The following SEC23IP variants were observed in gnomAD, a reference collection of about 807,000 sequenced individuals.
The protein encoded by SEC23IP is SEC23-interacting protein.
In SEC23IP, 70 loss-of-function variants were observed where a neutral mutation model predicts 113.4. The observed-to-expected ratio is 0.62, with a 90% CI of 0.51 to 0.75. The LOEUF (loss-of-function observed/expected upper bound fraction) is 0.75, where lower values mean the gene tolerates loss of function less well. Among genes scored for constraint, SEC23IP ranks in the 30% least tolerant of loss-of-function variants. The probability of loss-of-function intolerance (pLI) is 0.00; values close to 1 mark genes in which losing one functional copy is unlikely to be tolerated. For synonymous variants in SEC23IP, 398 were observed against 421.0 expected (o/e 0.95, Z 0.67); for missense variants, 1,160 against 1,204.9 (o/e 0.96, Z 0.55).
In SEC23IP at chr10:119,898,877, A is replaced by G. The variant is rs1854382051; in HGVS notation, c.614A>G (p.Gln205Arg). ...GCACCACCCCAGCTGCAGCAGTGCC[A>G]AACACCAGGCCCTCCTGCTCATCCT... ...YIAPPQLQQCQTPGPPAHPPP... is the reference protein window; with the variant it reads ...YIAPPQLQQCRTPGPPAHPPP... The change falls in exon 2 of 19, where the codon CAA becomes CGA. Residue 205 changes from glutamine to arginine, a missense_variant. By Grantham distance (43) the Gln-to-Arg change is conservative. Transcript: ENST00000369075. 7 of 1,608,514 alleles carry G rather than the reference A, an allele frequency of 4.4e-6. No homozygotes were observed. Among genetic ancestry groups the G allele is most frequent in the Non-Finnish European group, 5.9e-6 (7 of 1,179,916 alleles).
chr10:119,922,613 T>C (rs1344342006), intron 12 of SEC23IP, among the ~76,000 whole-genome samples: 1 of 152,114 alleles, frequency 6.6e-6, no homozygotes, highest in African/African-American at 2.4e-5. Flanking sequence ...GTAATTGTAA[T>C]TGTACAGTGA....
intron 13 of SEC23IP, among the ~76,000 whole-genome samples, chr10:119,927,957 C>T (rs562956790): frequency 1.3e-5 from 2 of 152,316 alleles, no homozygotes; most frequent in South Asian, 4.1e-4. Flanking sequence ...AGAAGGTTGC[C>T]TGTTTCCTCT....
rs757198528 is a variant in SEC23IP, at chr10:119,909,108, C to T, written c.1169C>T (p.Thr390Ile). The T allele has an allele frequency of 6.2e-7, 1 of 1,611,664 alleles. No homozygotes were observed. The highest frequency in any genetic ancestry group is 1.1e-5 in the South Asian group (1 of 90,788). Residue 390 changes from threonine to isoleucine, a missense_variant, in exon 5 of 19, where the codon ACA becomes ATA. Physicochemically the swap from Thr to Ile is moderately conservative, Grantham distance 89. Transcript: ENST00000369075. ...HRRLEFPSGE[T>I]IVMHNPKVIV... The stretch of plus-strand genomic sequence containing the variant: ...AGATTAGAGTTTCCAAGTGGAGAGA[C>T]AATTGTTATGCACAATCCAAAGGTA...
Position 119,929,685 on chromosome 10 carries a change from A to G in SEC23IP, c.2392A>G (p.Thr798Ala), listed in dbSNP as rs751256373. Residue 798 changes from threonine (T) to alanine (A), a missense_variant, in exon 14 of 19, where the codon ACT becomes GCT. Transcript: ENST00000369075. ...GGGGTCTCCAATTGCTATGTTTCTC[A>G]CTATTCGAGGAGTTGATAGGATAGA... Reference protein sequence around the residue: ...ALGSPIAMFLTIRGVDRIDEN... With the variant: ...ALGSPIAMFLAIRGVDRIDEN... 1.9e-6 allele frequency: 3 copies of G among 1,603,788 alleles called. No individual in the cohort carries two copies. The highest frequency in any genetic ancestry group is 2.6e-6 in the Non-Finnish European group (3 of 1,170,572).
chr10:119,911,985 G>T (rs2134479896), intron 5 of SEC23IP, 59 bp from the exon 6 acceptor site: 1 of 1,596,772 alleles, frequency 6.3e-7, no homozygotes, highest in Non-Finnish European at 8.6e-7. Context: ...AAACTACTTA[G>T]CCTGTAGTGG....
At chr10:119,901,011 C>CT (rs1854474323) in intron 2 of SEC23IP, among the ~76,000 whole-genome samples, 1 of 87,666 alleles carries the variant, frequency 1.1e-5, no homozygotes, top group African/African-American at 4.6e-5. Flanking sequence ...AAATTTTTTT[C>CT]TTTTTCTTCT....
In SEC23IP at chr10:119,919,477, T is replaced by A; in HGVS notation, c.1906T>A (p.Ser636Thr). ...PEEPKLTLDESYDLVVENKEV... is the reference protein window; with the variant it reads ...PEEPKLTLDETYDLVVENKEV... ...AGAGCCAAAGCTGACTTTGGATGAG[T>A]CGTATGACCTTGTTGTTGAAAATAA... The change falls in exon 11 of 19, where the codon TCG becomes ACG. Residue 636 changes from serine (S) to threonine (T), a missense_variant. Physicochemically the swap from Ser to Thr is moderately conservative, Grantham distance 58. Coordinates refer to ENST00000369075, the MANE Select transcript of SEC23IP (RefSeq NM_007190.4). 1 of 1,611,214 alleles carries A rather than the reference T, an allele frequency of 6.2e-7. No individual in the cohort carries two copies. The highest frequency in any genetic ancestry group is 8.5e-7 in the Non-Finnish European group (1 of 1,179,334).
rs1854885266 is a variant in SEC23IP, at chr10:119,912,142, T to C, written c.1290T>C (p.Asp430=). Residue 430 remains aspartate (D), a synonymous_variant, in exon 6 of 19, where the codon GAT becomes GAC. Coordinates refer to ENST00000369075, the MANE Select transcript of SEC23IP (RefSeq NM_007190.4). Reference sequence around the variant, plus strand: ...GGGTTGTAAAGCGTGGAATTGATGATAACCTTGATGAAATTCCCGACGGTG... The same window carrying C: ...GGGTTGTAAAGCGTGGAATTGATGACAACCTTGATGAAATTCCCGACGGTG... ...RPRVVKRGID[D]NLDEIPDGEM... The C allele has an allele frequency of 3.7e-6, 6 of 1,614,090 alleles. No individual in the cohort carries two copies. Among genetic ancestry groups the C allele is most frequent in the Non-Finnish European group, 4.2e-6 (5 of 1,179,970 alleles).
rs1025049603 is a variant in SEC23IP at position 119,933,874 on chromosome 10, T to C, written c.*20+87T>C. The C allele has an allele frequency of 2.2e-5, 13 of 587,032 alleles. No homozygotes were observed. The African/African-American group carries it at 2.5e-4, about 11-fold the overall frequency. 36.4% of individuals were successfully genotyped at this position (587,032 alleles called of 1,614,324 possible). ...GGAGTTGATGTTGACTGATTTTGCT[T>C]TTTTCTGTTTCCTCTGAGTTTTTGT... On this transcript the variant is annotated intron_variant, in intron 18 of 18. Transcript: ENST00000369075.
At chr10:119,912,260 G>C (rs182733316) in intron 6 of SEC23IP, 96 bp downstream of exon 6, 164 of 1,298,112 alleles carry the variant, frequency 1.3e-4, no homozygotes, top group East Asian at 7.6e-5. Context: ...TTATTAGAAT[G>C]CCCTGCCACA....
At chr10:119,935,173 A>G (rs565712850) in intron 18 of SEC23IP, among the ~76,000 whole-genome samples, 1 of 152,290 alleles carries the variant, frequency 6.6e-6, no homozygotes, top group South Asian at 2.1e-4. Context: ...TTTAAAAGAC[A>G]AAAGAGGCTG....
chr10:119,930,208 G>A, intron 14 of SEC23IP, 121 bp from the exon 15 acceptor site: 4 of 532,942 alleles, frequency 7.5e-6, no homozygotes, highest in Non-Finnish European at 1.0e-5. Context: ...TGAATAAGGT[G>A]TGGAGAAAAA....
In SEC23IP at chr10:119,941,266, G is replaced by A. The variant is rs1855956269; in HGVS notation, c.*701G>A. On this transcript the variant is annotated 3_prime_UTR_variant, in exon 19 of 19. Coordinates refer to ENST00000369075, the MANE Select transcript of SEC23IP (RefSeq NM_007190.4). ...TCTCCTAGCACGTCCATTTCCAGGA[G>A]GAGAAGCAAGCAGATGAGAGGTTTT... 6.6e-6 allele frequency: 1 copy of A among 152,204 alleles called. No homozygotes were observed. The highest frequency in any genetic ancestry group is 1.5e-5 in the Non-Finnish European group (1 of 68,052). 9.4% of individuals were successfully genotyped at this position (152,204 alleles called of 1,614,324 possible). A position where few individuals can be genotyped will look rare whatever the true frequency, so the allele number is the denominator to read the frequency against.
chr10:119,902,925 T>C lies in SEC23IP; in HGVS notation c.823T>C (p.Tyr275His). The change falls in exon 3 of 19, where the codon TAC (tyrosine) becomes CAC (histidine). Residue 275 changes from tyrosine (Y) to histidine (H), a missense_variant. By Grantham distance (83) the Tyr-to-His change is moderately conservative. Transcript: ENST00000369075. ...QYEPVQPHWF[Y>H]CKEVEYKQLW... Reference sequence around the variant, plus strand: ...TGAGCCTGTTCAGCCCCACTGGTTTTACTGCAAGGAGGTAGAATACAAACA... The same window carrying C: ...TGAGCCTGTTCAGCCCCACTGGTTTCACTGCAAGGAGGTAGAATACAAACA... 2.5e-6 allele frequency: 4 copies of C among 1,614,242 alleles called. No homozygotes were observed. Among genetic ancestry groups the C allele is most frequent in the Non-Finnish European group, 3.4e-6 (4 of 1,180,036 alleles).
intron 6 of SEC23IP, among the ~76,000 whole-genome samples, chr10:119,912,748 C>T (rs2134481666): frequency 6.7e-6 from 1 of 149,530 alleles, no homozygotes; most frequent in African/African-American, 2.5e-5. Context: ...TCATGCGATT[C>T]TCTTGCCTCA....
intron 7 of SEC23IP, 50 bp downstream of exon 7, chr10:119,914,869 A>G (rs749685941): frequency 1.3e-6 from 2 of 1,529,382 alleles, no homozygotes; most frequent in Non-Finnish European, 1.8e-6. Context: ...GAACTAATAG[A>G]AGAGCTTTGG....
intron 15 of SEC23IP, 61 bp downstream of exon 15, chr10:119,930,492 GA>G: frequency 8.1e-6 from 8 of 984,616 alleles, no homozygotes; most frequent in African/African-American, 1.6e-5. Context: ...AATGAATTAT[GA>G]AAATTTTGAC....
chr10:119,904,342 T>G (rs769163742), intron 4 of SEC23IP, 65 bp downstream of exon 4: 1 of 1,364,742 alleles, frequency 7.3e-7, no homozygotes, highest in Non-Finnish European at 1.0e-6. Context: ...CATTGGTGAG[T>G]AACATCATTC....
rs777269987 is a variant in SEC23IP, at chr10:119,909,085, A to AT, written c.1148dup (p.Leu383PhefsTer28). The AT allele has an allele frequency of 8.1e-6, 13 of 1,613,310 alleles. No homozygotes were observed. The highest frequency in any genetic ancestry group is 1.0e-5 in the Non-Finnish European group (12 of 1,179,714). ...TAACCACTAATCAGTGGCACCGAAG[A>AT]TTAGAGTTTCCAAGTGGAGAGACAA... On this transcript the variant is annotated frameshift_variant, in exon 5 of 19. Coordinates refer to ENST00000369075, the MANE Select transcript of SEC23IP (RefSeq NM_007190.4). LOFTEE classifies it high-confidence loss of function.
Sources: allele counts gnomAD v4.1 joint callset (sites outside exome capture counted in the v4.1 genomes callset), GRCh38; gene constraint gnomAD v4.1.1; transcripts MANE v1.5; gene names NCBI Gene and HGNC (gene_info 2026-07-23, HGNC 2026-07-21).